The following ARAP3 variants were observed in gnomAD, a reference collection of about 807,000 sequenced individuals.
The protein encoded by ARAP3 is arf-GAP with Rho-GAP domain, ANK repeat and PH domain-containing protein 3.
Under a neutral mutation model 169.2 loss-of-function variants are expected in ARAP3, and 82 were observed. The observed-to-expected ratio is 0.48, with a 90% CI of 0.41 to 0.58. The LOEUF (loss-of-function observed/expected upper bound fraction) is 0.58. Among genes scored for constraint, ARAP3 ranks in the 20% least tolerant of loss-of-function variants. The probability of loss-of-function intolerance (pLI) is 0.00; values close to 1 mark genes in which losing one functional copy is unlikely to be tolerated. For synonymous variants in ARAP3, 791 were observed against 800.3 expected (o/e 0.99, Z 0.20); for missense variants, 1,764 against 2,018.0 (o/e 0.87, Z 2.41).
intron 4 of ARAP3, 66 bp downstream of exon 4, chr5:141,679,479 C>G: frequency 6.7e-7 from 1 of 1,485,138 alleles, no homozygotes; most frequent in Non-Finnish European, 9.3e-7. Context: ...TGTTGAATAA[C>G]TGGATACATG....
At position 141,679,582 on chromosome 5, in the gene ARAP3, C is replaced by G; in HGVS notation, c.661G>C (p.Glu221Gln). 6.2e-7 allele frequency: 1 copy of G among 1,614,214 alleles called. No homozygotes were observed. The highest frequency in any genetic ancestry group is 1.7e-5 in the Admixed American group (1 of 60,024). ...CTGCCCTGACAAACACCTCTGCTCT[C>G]TCTTCTGTCGGGGGCTCCTGGAGTC... ...VGTPGAPDRRESRGVCQGRAE... is the reference protein window; with the variant it reads ...VGTPGAPDRRQSRGVCQGRAE... The change falls in exon 4 of 33, where the codon GAG becomes CAG. Residue 221 changes from glutamate to glutamine, a missense_variant. Glu to Gln is a conservative substitution (Grantham distance 29). Transcript: ENST00000239440.
rs1473705469 is a variant in ARAP3 at position 141,666,425 on chromosome 5, G to A, written c.2571C>T (p.Ile857=). 1.9e-6 allele frequency: 3 copies of A among 1,567,752 alleles called. No individual in the cohort carries two copies. Among genetic ancestry groups the A allele is most frequent in the Non-Finnish European group, 2.6e-6 (3 of 1,155,390 alleles). Reference sequence around the variant, plus strand: ...GTCCCCCCAAACCTCCCCGCTTACTGATCTCCTGTAGCCGCCGCAGATGCA... The same window carrying A: ...GTCCCCCCAAACCTCCCCGCTTACTAATCTCCTGTAGCCGCCGCAGATGCA... ...DMVHLRRLQE[I]SVVSAADTPD... The change falls in exon 17 of 33, where the codon ATC becomes ATT. Residue 857 remains isoleucine, a splice_region_variant and synonymous_variant. Transcript: ENST00000239440.
intron 32 of ARAP3, 148 bp downstream of exon 32, chr5:141,655,214 C>CACACA (rs2099909081): frequency 1.4e-5 from 9 of 644,058 alleles, no homozygotes; most frequent in Non-Finnish European, 2.1e-5. Context: ...CACACACACA[C>CACACA]CCTGATGGCC....
In ARAP3 at chr5:141,664,108, G is replaced by A. The variant is rs563251276; in HGVS notation, c.2800+814C>T. Among the ~76,000 whole-genome samples the A allele has an allele frequency of 9.2e-5, 14 of 152,322 alleles. No homozygotes were observed. In the South Asian group the frequency reaches 2.9e-3, roughly 32 times the overall value. Reference sequence around the variant, plus strand: ...AGGATAAAAAACTTACAAAGGGCCAGGTGTGGTGGCTCACACCTGTAATCC... The same window carrying A: ...AGGATAAAAAACTTACAAAGGGCCAAGTGTGGTGGCTCACACCTGTAATCC... On this transcript the variant is annotated intron_variant, in intron 19 of 32. Transcript: ENST00000239440.
chr5:141,672,435 T>C lies in ARAP3; in HGVS notation c.1385+117A>G. 1.4e-6 allele frequency: 2 copies of C among 1,471,646 alleles called. No individual in the cohort carries two copies. Among genetic ancestry groups the C allele is most frequent in the Non-Finnish European group, 1.9e-6 (2 of 1,078,474 alleles). 91.2% of individuals were successfully genotyped at this position (1,471,646 alleles called of 1,614,324 possible). A position where few individuals can be genotyped will look rare whatever the true frequency, so the allele number is the denominator to read the frequency against. ...CTTCTGACATCTTGACCTAGCTCAC[T>C]GGACTACCATCTGTGCATACCCTCT... On this transcript the variant is annotated intron_variant, in intron 9 of 32. Transcript: ENST00000239440. The surrounding 1 kb of genome is among the most constrained non-coding windows in gnomAD (Gnocchi z 4.9).
intron 4 of ARAP3, among the ~76,000 whole-genome samples, chr5:141,675,207 A>T (rs1208002573): frequency 1.3e-5 from 2 of 152,012 alleles, no homozygotes; most frequent in Non-Finnish European, 1.5e-5. Context: ...TGCTTATGTC[A>T]TCTTCTCAGA....
intron 16 of ARAP3, 29 bp from the exon 17 acceptor site, chr5:141,666,672 A>T: frequency 8.2e-7 from 1 of 1,217,358 alleles, no homozygotes; most frequent in Non-Finnish European, 1.1e-6. Flanking sequence ...GACAGGAGAA[A>T]GGGGGATGGG....
At position 141,672,765 on chromosome 5, in the gene ARAP3, C is replaced by T; in HGVS notation, c.1254G>A (p.Glu418=). The change falls in exon 8 of 33, where the codon GAG becomes GAA. Residue 418 remains glutamate, a synonymous_variant. Coordinates refer to ENST00000239440, the MANE Select transcript of ARAP3 (RefSeq NM_022481.6). The surrounding 1 kb of genome is among the most constrained non-coding windows in gnomAD (Gnocchi z 4.9). ...AKVFAALSPG[E]LALYKSEQAF... Reference sequence around the variant, plus strand: ...CCTGCTCACTCTTGTACAGTGCCAGCTCTCCAGGGCTCAAGGCAGCAAACA... The same window carrying T: ...CCTGCTCACTCTTGTACAGTGCCAGTTCTCCAGGGCTCAAGGCAGCAAACA... 1 of 1,614,070 alleles carries T rather than the reference C, an allele frequency of 6.2e-7. No homozygotes were observed. Among genetic ancestry groups the T allele is most frequent in the Non-Finnish European group, 8.5e-7 (1 of 1,179,986 alleles).
Position 141,682,199 on chromosome 5 carries a change from CGGGTGCCCGCCGCTCGT to C in ARAP3, c.-61_-45del, listed in dbSNP as rs2099913122. 6.6e-6 allele frequency: 1 copy of C among 152,308 alleles called. No homozygotes were observed. The highest frequency in any genetic ancestry group is 1.5e-5 in the Non-Finnish European group (1 of 68,190). The allele number at this position is 152,308 out of a possible 1,614,324, so 9.4% of individuals were successfully genotyped here. ...TCACTACGCGGCCGCCGTCCGCTCGCGGGTGCCCGCCGCTCGTCCGAGGTTCTGGGTCCCGCCGCGCC... is the reference window on the plus strand; with the variant it reads ...TCACTACGCGGCCGCCGTCCGCTCGCCCGAGGTTCTGGGTCCCGCCGCGCC... On this transcript the variant is annotated 5_prime_UTR_variant, in exon 1 of 33. Coordinates refer to ENST00000239440, the MANE Select transcript of ARAP3 (RefSeq NM_022481.6).
chr5:141,656,177 T>C lies in ARAP3; in HGVS notation c.3872+17A>G, dbSNP rs770557886. The C allele has an allele frequency of 1.9e-6, 3 of 1,614,014 alleles. No individual in the cohort carries two copies. The highest frequency in any genetic ancestry group is 2.5e-6 in the Non-Finnish European group (3 of 1,180,002). On this transcript the variant is annotated intron_variant, in intron 28 of 32. Coordinates refer to ENST00000239440, the MANE Select transcript of ARAP3 (RefSeq NM_022481.6). ...GCAGGAAGGCCCTGGAAGTGCGGGCTGGGGAAGAAAACTCACGGTGTTGGG... is the reference window on the plus strand; with the variant it reads ...GCAGGAAGGCCCTGGAAGTGCGGGCCGGGGAAGAAAACTCACGGTGTTGGG...
rs2099909247 is a variant in ARAP3 at position 141,656,179 on chromosome 5, G to A, written c.3872+15C>T. ...AGGAAGGCCCTGGAAGTGCGGGCTG[G>A]GGAAGAAAACTCACGGTGTTGGGGG... On this transcript the variant is annotated intron_variant, in intron 28 of 32. Transcript: ENST00000239440. 1 of 1,614,132 alleles carries A rather than the reference G, an allele frequency of 6.2e-7. No individual in the cohort carries two copies. Among genetic ancestry groups the A allele is most frequent in the Non-Finnish European group, 8.5e-7 (1 of 1,180,026 alleles).
rs775700507 is a variant in ARAP3, at chr5:141,655,577, G to A, written c.4110+44C>T. 5.6e-6 allele frequency: 9 copies of A among 1,613,246 alleles called. No homozygotes were observed. In the East Asian group the frequency reaches 1.6e-4, roughly 28 times the overall value. ...CACTGCCTACTGCAATGTGACAAGGGCTACACGACAGGAATCGGGTTGGGG... is the reference window on the plus strand; with the variant it reads ...CACTGCCTACTGCAATGTGACAAGGACTACACGACAGGAATCGGGTTGGGG... On this transcript the variant is annotated intron_variant, in intron 31 of 32. Transcript: ENST00000239440.
Position 141,670,746 on chromosome 5 carries a change from C to G in ARAP3, c.1991-118G>C, listed in dbSNP as rs1023172841. On this transcript the variant is annotated intron_variant, in intron 13 of 32. Coordinates refer to ENST00000239440, the MANE Select transcript of ARAP3 (RefSeq NM_022481.6). ...GGACCTGACTCCACTGCCAGCACAG[C>G]CAAGTAGAGCCCAATGGAGCTGGAT... The G allele has an allele frequency of 8.9e-6, 7 of 787,838 alleles. No individual in the cohort carries two copies. The African/African-American group carries it at 1.2e-4, about 13-fold the overall frequency. 48.8% of individuals were successfully genotyped at this position (787,838 alleles called of 1,614,324 possible). A position where few individuals can be genotyped will look rare whatever the true frequency, so the allele number is the denominator to read the frequency against.
rs751103899 is a variant in ARAP3, at chr5:141,673,842, T to G, written c.699-34A>C. The stretch of plus-strand genomic sequence containing the variant: ...GGCCAAGACAGGGAGGGACACACAT[T>G]AGACAAGTACCCCGGACACCCTCTT... On this transcript the variant is annotated intron_variant, in intron 4 of 32. Transcript: ENST00000239440. 5 of 1,606,328 alleles carry G rather than the reference T, an allele frequency of 3.1e-6. No individual in the cohort carries two copies. The Admixed American group carries it at 8.4e-5, about 27-fold the overall frequency.
chr5:141,658,596 T>G lies in ARAP3; in HGVS notation c.3394A>C (p.Asn1132His), dbSNP rs1487129859. ...GGACCAACCTTCAGGGTGACACAGT[T>G]GTCTGGGAGCTGCTGCTCTATATAA... ...EVYIEQQLPD[N>H]CVTLKVSPTL... The change falls in exon 24 of 33, where the codon AAC (asparagine) becomes CAC (histidine). Residue 1132 changes from asparagine (N) to histidine (H), a missense_variant. Asn to His is a moderately conservative substitution (Grantham distance 68). Transcript: ENST00000239440. 6.2e-7 allele frequency: 1 copy of G among 1,613,228 alleles called. No homozygotes were observed. The highest frequency in any genetic ancestry group is 1.7e-5 in the Admixed American group (1 of 59,664).
chr5:141,666,043 A>G (rs983310670), intron 17 of ARAP3, among the ~76,000 whole-genome samples: 1 of 145,470 alleles, frequency 6.9e-6, no homozygotes, highest in Non-Finnish European at 1.5e-5. Context: ...TGTCTCCAAA[A>G]AAAAAAAAAA....
At position 141,662,247 on chromosome 5, in the gene ARAP3, G is replaced by C; in HGVS notation, c.2809C>G (p.Leu937Val). ...CCCCCTTTCCGGTATACACCTTCCA[G>C]CCGGAGCCCTGAGGAGAGCCAGCCG... ...ISFVTQHGLR[L>V]EGVYRKGGAR... The change falls in exon 20 of 33, where the codon CTG becomes GTG. Residue 937 changes from leucine (L) to valine (V), a missense_variant. Around this residue, in one of 3 missense-constraint regions of ARAP3, gnomAD observed 1,112 missense variants for 1,285.7 expected, o/e 0.86. Transcript: ENST00000239440. The C allele has an allele frequency of 6.2e-7, 1 of 1,614,074 alleles. No homozygotes were observed. The highest frequency in any genetic ancestry group is 8.5e-7 in the Non-Finnish European group (1 of 1,180,018).
chr5:141,666,671 A>T (rs2099910690), intron 16 of ARAP3, 28 bp from the exon 17 acceptor site: 1 of 1,230,534 alleles, frequency 8.1e-7, no homozygotes, highest in Non-Finnish European at 1.1e-6. Context: ...GGACAGGAGA[A>T]AGGGGGATGG....
rs767203779 is a variant in ARAP3 at position 141,671,761 on chromosome 5, T to C, written c.1672-9A>G. The stretch of plus-strand genomic sequence containing the variant: ...CCCAGGACAATGAATAACTGTGGGA[T>C]GACAAGGGACAAAGGCAGGTGACAG... On this transcript the variant is annotated splice_polypyrimidine_tract_variant and intron_variant, in intron 11 of 32. Coordinates refer to ENST00000239440, the MANE Select transcript of ARAP3 (RefSeq NM_022481.6). This position sits in a 1 kb window ranked among gnomAD's most constrained non-coding sequence, Gnocchi z 4.9. 3.8e-6 allele frequency: 6 copies of C among 1,596,654 alleles called. No individual in the cohort carries two copies. Among genetic ancestry groups the C allele is most frequent in the Admixed American group, 1.7e-5 (1 of 58,850 alleles).
Sources: allele counts gnomAD v4.1 joint callset (sites outside exome capture counted in the v4.1 genomes callset), GRCh38; gene constraint gnomAD v4.1.1; regional missense constraint gnomAD v4.1.1; non-coding constraint Gnocchi (gnomAD v3.1); transcripts MANE v1.5; gene names NCBI Gene and HGNC (gene_info 2026-07-23, HGNC 2026-07-21).